The following IL31RA variants were observed in gnomAD, a reference collection of about 807,000 sequenced individuals.
IL31RA encodes interleukin 31 receptor A.
Under a neutral mutation model 83.7 loss-of-function variants are expected in IL31RA, and 66 were observed. The ratio of observed to expected loss-of-function variants is 0.79; its 90% CI spans 0.65 to 0.97. The LOEUF (loss-of-function observed/expected upper bound fraction) is 0.97. Among genes scored for constraint, IL31RA ranks in the 50% least tolerant of loss-of-function variants. The pLI is 0.00. For synonymous variants in IL31RA, 325 were observed against 329.0 expected (o/e 0.99, Z 0.13); for missense variants, 798 against 919.4 (o/e 0.87, Z 1.71).
intron 14 of IL31RA, 91 bp from the exon 15 acceptor site, chr5:55,916,553 G>A: frequency 9.4e-7 from 1 of 1,058,868 alleles, no homozygotes; most frequent in Non-Finnish European, 1.5e-6. Context: ...TTCCAGAGAT[G>A]GGCATTTGCT....
chr5:55,917,011 A>G lies in IL31RA; in HGVS notation c.2186A>G (p.Asp729Gly), dbSNP rs201334743. 3.7e-6 allele frequency: 6 copies of G among 1,614,218 alleles called. No individual in the cohort carries two copies. In the Admixed American group the frequency reaches 1.0e-4, roughly 27 times the overall value. ...LLFSGQSLVP[D>G]HLCEEGAPNP... ...TTTTCTGGTCAAAGTTTAGTACCAG[A>G]TCATCTGTGTGAGGAAGGAGCCCCA... Residue 729 changes from aspartate (D) to glycine (G), a missense_variant, in exon 15 of 15, where the codon GAT (aspartate) becomes GGT (glycine). Asp to Gly is a moderately conservative substitution (Grantham distance 94, BLOSUM62 -1). Transcript: ENST00000652347.
At position 55,861,384 on chromosome 5, in the gene IL31RA, G is replaced by A. The variant is rs144210210; in HGVS notation, c.154+1785G>A. Among the ~76,000 whole-genome samples, 76 of 152,298 alleles carry A rather than the reference G, an allele frequency of 5.0e-4. No homozygotes were observed. In the East Asian group the frequency reaches 7.3e-3, roughly 15 times the overall value. On this transcript the variant is annotated intron_variant, in intron 2 of 14. Transcript: ENST00000652347. ...GAGCCAGAGTTACTGCCTGAGCTCC[G>A]CCTCCTGTCAAATCAGCAGCGGCAT...
Position 55,917,065 on chromosome 5 carries a change from C to A in IL31RA, c.2240C>A (p.Ala747Asp). Residue 747 changes from alanine to aspartate, a missense_variant, in exon 15 of 15, where the codon GCC (alanine) becomes GAC (aspartate). Ala to Asp is a moderately radical substitution (Grantham distance 126, BLOSUM62 -2). Coordinates refer to ENST00000652347, the MANE Select transcript of IL31RA (RefSeq NM_139017.7). ...PNPYLKNSVT[A>D]REFLVSEKLP... ...CCATATTTGAAAAATTCAGTGACAG[C>A]CAGGGAATTTCTTGTGTCTGAAAAA... 1 of 1,614,176 alleles carries A rather than the reference C, an allele frequency of 6.2e-7. No homozygotes were observed. The highest frequency in any genetic ancestry group is 8.5e-7 in the Non-Finnish European group (1 of 1,180,042).
At chr5:55,898,125 C>G (rs1436569292) in intron 7 of IL31RA, among the ~76,000 whole-genome samples, 1 of 152,182 alleles carries the variant, frequency 6.6e-6, no homozygotes, top group Non-Finnish European at 1.5e-5. Flanking sequence ...TCTCAGCCAT[C>G]AAGTATGAAA....
At chr5:55,870,747 A>T (rs1561546006) in intron 3 of IL31RA, among the ~76,000 whole-genome samples, 1 of 152,138 alleles carries the variant, frequency 6.6e-6, no homozygotes, top group Non-Finnish European at 1.5e-5. Context: ...AGCAAAGTGG[A>T]AGGGTTTCCC....
At chr5:55,844,181 A>T in the IL31RA span, among the ~76,000 whole-genome samples, 1 of 152,182 alleles carries the variant, frequency 6.6e-6, no homozygotes, top group Non-Finnish European at 1.5e-5. Flanking sequence ...ATGAAAGTAG[A>T]ATGAAATATT....
chr5:55,865,757 G>T (rs1256859481), intron 2 of IL31RA, among the ~76,000 whole-genome samples: 3 of 152,178 alleles, frequency 2.0e-5, no homozygotes, highest in African/African-American at 7.2e-5. Context: ...AGGAGGGTGT[G>T]GGTAGCACTT....
chr5:55,841,611 C>T, the IL31RA span, among the ~76,000 whole-genome samples: 1 of 152,170 alleles, frequency 6.6e-6, no homozygotes, highest in East Asian at 1.9e-4. Flanking sequence ...TCTCCTTAGC[C>T]ATCTTTCTTT....
chr5:55,845,652 T>A, the IL31RA span, among the ~76,000 whole-genome samples: 2 of 152,168 alleles, frequency 1.3e-5, no homozygotes, highest in South Asian at 4.1e-4. Context: ...TTCCATCCTG[T>A]TGCCCTGTGA....
intron 2 of IL31RA, among the ~76,000 whole-genome samples, chr5:55,866,967 C>T (rs1425412404): frequency 3.7e-5 from 4 of 107,142 alleles, no homozygotes; most frequent in Non-Finnish European, 9.2e-5. Flanking sequence ...CACAAAAATG[C>T]CTGCTTCTTA....
chr5:55,880,688 GGGAAACCACCAGAGAT>G (rs1456425819), intron 4 of IL31RA, among the ~76,000 whole-genome samples: 1 of 152,052 alleles, frequency 6.6e-6, no homozygotes, highest in Non-Finnish European at 1.5e-5. Flanking sequence ...AAGGGGTCTA[GGGAAACCACCAGAGAT>G]GTAAAGGAAA....
In IL31RA at chr5:55,856,362, A is replaced by G. The variant is rs372385150; in HGVS notation, c.64-3147A>G. Among the ~76,000 whole-genome samples, 22 of 152,368 alleles carry G rather than the reference A, an allele frequency of 1.4e-4. No homozygotes were observed. The East Asian group carries it at 2.9e-3, about 20-fold the overall frequency. On this transcript the variant is annotated intron_variant, in intron 1 of 14. Transcript: ENST00000652347. ...ATCCCACCAATGTGAGATTGTTTCTAGGAAATGACCCCTTTTTGAAGACCA... is the reference window on the plus strand; with the variant it reads ...ATCCCACCAATGTGAGATTGTTTCTGGGAAATGACCCCTTTTTGAAGACCA...
chr5:55,889,912 A>C (rs1747874468), intron 5 of IL31RA, 58 bp from the exon 6 acceptor site: 1 of 1,514,812 alleles, frequency 6.6e-7, no homozygotes. Context: ...AGTGAAGAGG[A>C]AAATGGGAGG....
At chr5:55,901,093 C>A (rs1302505454) in intron 8 of IL31RA, among the ~76,000 whole-genome samples, 1 of 152,210 alleles carries the variant, frequency 6.6e-6, no homozygotes, top group African/African-American at 2.4e-5. Context: ...CCTTCCATCT[C>A]TTCTCCTTAA....
intron 14 of IL31RA, 38 bp from the exon 15 acceptor site, chr5:55,916,606 C>T: frequency 6.3e-7 from 1 of 1,585,530 alleles, no homozygotes; most frequent in South Asian, 1.1e-5. Context: ...TATGTGACTC[C>T]TAAATGACCA....
intron 2 of IL31RA, among the ~76,000 whole-genome samples, chr5:55,864,914 A>G (rs143303158): frequency 9.2e-4 from 140 of 152,212 alleles, no homozygotes; most frequent in African/African-American, 3.1e-3. Context: ...CACACCCCAT[A>G]CACACACATG....
At chr5:55,866,207 G>T (rs1746036994) in intron 2 of IL31RA, among the ~76,000 whole-genome samples, 1 of 152,176 alleles carries the variant, frequency 6.6e-6, no homozygotes, top group African/African-American at 2.4e-5. Context: ...CACATGAGGA[G>T]CTGCACCAGG....
chr5:55,839,941 G>A, the IL31RA span: 9 of 666,414 alleles, frequency 1.4e-5, no homozygotes, highest in Non-Finnish European at 2.2e-5. Flanking sequence ...CAGAAGAAAC[G>A]CTGCACTTCA....
upstream of IL31RA, among the ~76,000 whole-genome samples, chr5:55,850,122 AT>A (rs1400346679): frequency 6.6e-6 from 1 of 151,838 alleles, no homozygotes; most frequent in East Asian, 1.9e-4. Flanking sequence ...TATGTGACTT[AT>A]TTTTTTCCTA....
Sources: allele counts gnomAD v4.1 joint callset (sites outside exome capture counted in the v4.1 genomes callset), GRCh38; gene constraint gnomAD v4.1.1; transcripts MANE v1.5; gene names NCBI Gene and HGNC (gene_info 2026-07-23, HGNC 2026-07-21).